Variants in GAN observed in about 807,000 individuals in gnomAD.
The protein encoded by GAN is gigaxonin, also known as epididymis secretory sperm binding protein.
A neutral mutation model predicts 71.3 loss-of-function variants in GAN; 48 were observed. The observed-to-expected ratio is 0.67, with a 90% CI of 0.53 to 0.86. GAN has a LOEUF of 0.86. GAN is among the 40% of genes least tolerant of loss of function. The probability of loss-of-function intolerance (pLI) is 0.00; values close to 1 mark genes in which losing one functional copy is unlikely to be tolerated. For missense variants in GAN, 928 were observed against 770.1 expected (o/e 1.21, Z -2.43); for synonymous variants, 386 against 276.8 (o/e 1.39, Z -3.92).
intron 1 of GAN, among the ~76,000 whole-genome samples, chr16:81,324,085 C>T (rs934718786): frequency 6.6e-6 from 1 of 152,178 alleles, no homozygotes; most frequent in African/African-American, 2.4e-5. Flanking sequence ...AGAGTAGAAA[C>T]TTCTGATAGT....
intron 5 of GAN, among the ~76,000 whole-genome samples, chr16:81,360,838 A>G (rs1449335395): frequency 6.6e-6 from 1 of 152,190 alleles, no homozygotes; most frequent in Non-Finnish European, 1.5e-5. Context: ...TTGCAAGACT[A>G]CTTCCTATGA....
chr16:81,383,369 C>G lies in GAN; in HGVS notation c.*5773C>G, dbSNP rs1904318952. The stretch of plus-strand genomic sequence containing the variant: ...CTGGGTTCAAGCAATCATCCTGCCT[C>G]AGCCTCCCCAGTACCTGGGATTACA... On this transcript the variant is annotated 3_prime_UTR_variant, in exon 11 of 11. Transcript: ENST00000648994. 1 of 150,486 alleles carries G rather than the reference C, an allele frequency of 6.6e-6. No homozygotes were observed. Among genetic ancestry groups the G allele is most frequent in the South Asian group, 2.1e-4 (1 of 4,784 alleles). The allele number at this position is 150,486 out of a possible 1,614,324, so 9.3% of individuals were successfully genotyped here. A position where few individuals can be genotyped will look rare whatever the true frequency, so the allele number is the denominator to read the frequency against.
rs1904308746 is a variant in GAN at position 81,382,150 on chromosome 16, AG to A, written c.*4557del. The A allele has an allele frequency of 2.0e-5, 3 of 152,258 alleles. No homozygotes were observed. Among genetic ancestry groups the A allele is most frequent in the African/African-American group, 7.2e-5 (3 of 41,538 alleles). The allele number at this position is 152,258 out of a possible 1,614,324, so 9.4% of individuals were successfully genotyped here. On this transcript the variant is annotated 3_prime_UTR_variant, in exon 11 of 11. Transcript: ENST00000648994. ...GGCAGGGCACTCTCCCCATTGTACC[AG>A]GGTAATCTTGGAGGCCTGATAGATA...
At chr16:81,355,063 C>G (rs1403256871) in intron 3 of GAN, among the ~76,000 whole-genome samples, 1 of 152,122 alleles carries the variant, frequency 6.6e-6, no homozygotes, top group African/African-American at 2.4e-5. Flanking sequence ...CGCAGTATCC[C>G]CACCCTTGCT....
At chr16:81,357,110 A>ATTT in intron 4 of GAN, 108 bp downstream of exon 4, 1 of 665,256 alleles carries the variant, frequency 1.5e-6, no homozygotes, top group Non-Finnish European at 2.7e-6. Flanking sequence ...ATTACATTTG[A>ATTT]TTTTTTTTTT....
chr16:81,315,161 G>C lies in GAN; in HGVS notation c.48G>C (p.Leu16=). 6.4e-7 allele frequency: 1 copy of C among 1,556,356 alleles called. No individual in the cohort carries two copies. Among genetic ancestry groups the C allele is most frequent in the Non-Finnish European group, 8.7e-7 (1 of 1,153,672 alleles). ...AVSDPQHAAR[L]LRALSSFREE... ...CTGACCCTCAGCACGCCGCGCGTCT[G>C]CTGCGAGCGCTCAGCTCTTTCCGCG... Residue 16 remains leucine (L), a synonymous_variant, in exon 1 of 11, where the codon CTG becomes CTC. Coordinates refer to ENST00000648994, the MANE Select transcript of GAN (RefSeq NM_022041.4).
rs558753489 is a variant in GAN, at chr16:81,343,801, T to A, written c.168-7782T>A. Among the ~76,000 whole-genome samples, 15 of 152,274 alleles carry A rather than the reference T, an allele frequency of 9.9e-5. No homozygotes were observed. The East Asian group carries it at 2.7e-3, about 27-fold the overall frequency. On this transcript the variant is annotated intron_variant, in intron 1 of 10. Transcript: ENST00000648994. Reference sequence around the variant, plus strand: ...GGCAAGAGAAAGCAATAAAGCGTATTGAAATAGGAAGAAAGGAAGTCAAAT... The same window carrying A: ...GGCAAGAGAAAGCAATAAAGCGTATAGAAATAGGAAGAAAGGAAGTCAAAT...
intron 9 of GAN, among the ~76,000 whole-genome samples, chr16:81,373,955 A>T (rs1475234756): frequency 6.6e-6 from 1 of 152,094 alleles, no homozygotes; most frequent in African/African-American, 2.4e-5. Context: ...GTTGGCCAGG[A>T]TGGTCTTGAT....
intron 1 of GAN, among the ~76,000 whole-genome samples, chr16:81,335,595 A>G (rs527694088): frequency 6.6e-6 from 1 of 152,008 alleles, no homozygotes; most frequent in Non-Finnish European, 1.5e-5. Context: ...AAAAATACAA[A>G]AATTAGCTGG....
intron 1 of GAN, among the ~76,000 whole-genome samples, chr16:81,343,385 C>T (rs7196696): frequency 0.2 from 30,412 of 152,084 alleles, 4,505 homozygotes; most frequent in East Asian, 0.61. Context: ...ACTGGCAAGC[C>T]GAATCCAGCA....
intron 1 of GAN, among the ~76,000 whole-genome samples, chr16:81,321,712 C>T (rs1222191541): frequency 6.6e-6 from 1 of 152,158 alleles, no homozygotes; most frequent in Non-Finnish European, 1.5e-5. Flanking sequence ...CACAGGGTTG[C>T]ATCATCCTTC....
In GAN at chr16:81,377,681, A is replaced by C; in HGVS notation, c.*85A>C. The C allele has an allele frequency of 8.4e-7, 1 of 1,188,788 alleles. No homozygotes were observed. Among genetic ancestry groups the C allele is most frequent in the Non-Finnish European group, 1.3e-6 (1 of 793,772 alleles). 73.6% of individuals were successfully genotyped at this position (1,188,788 alleles called of 1,614,324 possible). A position where few individuals can be genotyped will look rare whatever the true frequency, so the allele number is the denominator to read the frequency against. On this transcript the variant is annotated 3_prime_UTR_variant, in exon 11 of 11. Coordinates refer to ENST00000648994, the MANE Select transcript of GAN (RefSeq NM_022041.4). The stretch of plus-strand genomic sequence containing the variant: ...AGGGAGAGCAGAGATGGCAGCTGAA[A>C]CTCACTCTGTGCTGGGCTTTGGTAT...
chr16:81,361,539 G>A (rs148183621), intron 5 of GAN, among the ~76,000 whole-genome samples: 2 of 150,058 alleles, frequency 1.3e-5, no homozygotes, highest in African/African-American at 5.1e-5. Context: ...TTAAACTTCT[G>A]TCTTTTTCAT....
intron 5 of GAN, among the ~76,000 whole-genome samples, 159 bp from the exon 6 acceptor site, chr16:81,362,340 A>C (rs1369756808): frequency 6.6e-6 from 1 of 152,226 alleles, no homozygotes; most frequent in Admixed American, 6.5e-5. Context: ...GTTTGGCTCC[A>C]TCACCAAGGA....
intron 9 of GAN, among the ~76,000 whole-genome samples, chr16:81,366,058 G>T (rs144128734): frequency 1.3e-5 from 2 of 152,016 alleles, no homozygotes; most frequent in Non-Finnish European, 2.9e-5. Flanking sequence ...CTCCCTTCCC[G>T]CTGTCCATCC....
At chr16:81,325,754 C>G (rs2150669216) in intron 1 of GAN, among the ~76,000 whole-genome samples, 1 of 152,308 alleles carries the variant, frequency 6.6e-6, no homozygotes, top group African/African-American at 2.4e-5. Flanking sequence ...GAAGAGATAA[C>G]AGTTTTGAGC....
At chr16:81,370,635 TCTC>T (rs1911008956) in intron 9 of GAN, among the ~76,000 whole-genome samples, 1 of 152,194 alleles carries the variant, frequency 6.6e-6, no homozygotes, top group Non-Finnish European at 1.5e-5. Context: ...GCACCCCTGG[TCTC>T]CTGCATGCTG....
intron 8 of GAN, 43 bp downstream of exon 8, chr16:81,365,153 C>A: frequency 6.2e-7 from 1 of 1,604,626 alleles, no homozygotes; most frequent in Non-Finnish European, 8.5e-7. Context: ...CCTTGCTGTT[C>A]ACTGGGTCTG....
intron 1 of GAN, among the ~76,000 whole-genome samples, chr16:81,333,304 A>G (rs1332054695): frequency 6.6e-6 from 1 of 152,040 alleles, no homozygotes; most frequent in Admixed American, 6.5e-5. Context: ...TATAATTAAT[A>G]AGTTGTGGGA....
Sources: gnomAD v4.1 joint callset for allele counts (sites outside exome capture counted in the v4.1 genomes callset) on GRCh38, gnomAD v4.1.1 for gene constraint, MANE v1.5 for transcripts, NCBI Gene and HGNC (gene_info 2026-07-23, HGNC 2026-07-21) for gene names.